The following SPOCK3 variants were observed in gnomAD, a reference collection of about 807,000 sequenced individuals.
The protein encoded by SPOCK3 is testican-3.
SPOCK3 carries 30 observed loss-of-function variants against 56.6 expected under a neutral mutation model. The ratio of observed to expected loss-of-function variants is 0.53; its 90% CI spans 0.40 to 0.72. SPOCK3 has a LOEUF of 0.72. Among genes scored for constraint, SPOCK3 ranks in the 30% least tolerant of loss-of-function variants. The probability of loss-of-function intolerance (pLI) is 0.00; values close to 1 mark genes in which losing one functional copy is unlikely to be tolerated. For synonymous variants in SPOCK3, 196 were observed against 183.3 expected (o/e 1.07, Z -0.56); for missense variants, 527 against 530.0 (o/e 0.99, Z 0.06).
chr4:167,039,586 G>A (rs1753071368), intron 3 of SPOCK3, among the ~76,000 whole-genome samples: 1 of 151,632 alleles, frequency 6.6e-6, no homozygotes, highest in South Asian at 2.1e-4. Flanking sequence ...AATAAAATGA[G>A]TCAAGGATAG....
intron 4 of SPOCK3, among the ~76,000 whole-genome samples, chr4:166,931,401 T>C (rs1168436441): frequency 6.6e-6 from 1 of 152,100 alleles, no homozygotes; most frequent in African/African-American, 2.4e-5. Context: ...TTTAAAACAA[T>C]CCACTGGTGC....
intron 6 of SPOCK3, among the ~76,000 whole-genome samples, chr4:166,795,325 G>T (rs1426902531): frequency 6.6e-6 from 1 of 152,032 alleles, no homozygotes; most frequent in Non-Finnish European, 1.5e-5. Flanking sequence ...CTGTATAGTC[G>T]CATCCCAGAT....
At chr4:166,907,404 CA>C (rs1354984873) in intron 5 of SPOCK3, among the ~76,000 whole-genome samples, 1 of 152,060 alleles carries the variant, frequency 6.6e-6, no homozygotes, top group Non-Finnish European at 1.5e-5. Context: ...AGTCAATGAG[CA>C]ATCAGGGATT....
In SPOCK3 at chr4:166,734,741, C is replaced by A; in HGVS notation, c.*180G>T. 1 of 541,448 alleles carries A rather than the reference C, an allele frequency of 1.8e-6. No homozygotes were observed. The highest frequency in any genetic ancestry group is 3.1e-6 in the Non-Finnish European group (1 of 320,814). 33.5% of individuals were successfully genotyped at this position (541,448 alleles called of 1,614,324 possible). On this transcript the variant is annotated 3_prime_UTR_variant, in exon 11 of 11. Coordinates refer to ENST00000357545, the MANE Select transcript of SPOCK3 (RefSeq NM_001040159.2). The stretch of plus-strand genomic sequence containing the variant: ...GTGTAAGGAATATAAAAACTCAAAG[C>A]AAATGATTCTTATTTAAACATAAAG...
chr4:167,016,076 G>T (rs1750592769), intron 3 of SPOCK3, among the ~76,000 whole-genome samples: 1 of 152,006 alleles, frequency 6.6e-6, no homozygotes, highest in Admixed American at 6.6e-5. Flanking sequence ...ATCCAATTAG[G>T]CCTGACTGAA....
intron 4 of SPOCK3, among the ~76,000 whole-genome samples, chr4:166,919,782 A>G (rs1264523029): frequency 3.3e-5 from 5 of 152,224 alleles, no homozygotes; most frequent in Non-Finnish European, 5.9e-5. Context: ...TTAAGAATTT[A>G]TAATCTCATG....
At chr4:166,901,894 GAT>G (rs1736091155) in intron 5 of SPOCK3, among the ~76,000 whole-genome samples, 1 of 152,032 alleles carries the variant, frequency 6.6e-6, no homozygotes, top group Non-Finnish European at 1.5e-5. Flanking sequence ...AGCTACATGA[GAT>G]AAATTGAACA....
chr4:167,188,977 C>G (rs1275157449), intron 2 of SPOCK3, among the ~76,000 whole-genome samples: 1 of 145,984 alleles, frequency 6.9e-6, no homozygotes, highest in East Asian at 2.1e-4. Context: ...GAGAAAACTC[C>G]AGGCTTCACT....
chr4:167,049,451 C>T (rs1226928976), intron 3 of SPOCK3, among the ~76,000 whole-genome samples: 1 of 152,116 alleles, frequency 6.6e-6, no homozygotes, highest in Non-Finnish European at 1.5e-5. Flanking sequence ...ACTAGACTCG[C>T]TGGTGTCTCA....
intron 2 of SPOCK3, among the ~76,000 whole-genome samples, chr4:167,169,198 A>G (rs1730274513): frequency 6.6e-6 from 1 of 152,224 alleles, no homozygotes; most frequent in South Asian, 2.1e-4. Context: ...GGCACTGCCT[A>G]GTGCAGATGT....
At chr4:166,800,188 A>AAAAAAAAAAAAAAAAAAAAAAAAAC in intron 6 of SPOCK3, among the ~76,000 whole-genome samples, 1 of 128,498 alleles carries the variant, frequency 7.8e-6, no homozygotes, top group African/African-American at 2.6e-5. Flanking sequence ...TCTCAGAAAA[A>AAAAAAAAAAAAAAAAAAAAAAAAAC]AAAAAAAAAA....
chr4:166,811,125 T>C lies in SPOCK3; in HGVS notation c.590-18836A>G, dbSNP rs141761500. 2.7e-3 allele frequency among the ~76,000 whole-genome samples: 411 copies of C among 152,012 alleles called. 3 individuals carry two copies. Among genetic ancestry groups the C allele is most frequent in the African/African-American group, 9.2e-3 (382 of 41,552 alleles). ...CGATTATTCATTTGTGCATTTCTTCTATTTCGCATTCCCATTATCAATTGT... is the reference window on the plus strand; with the variant it reads ...CGATTATTCATTTGTGCATTTCTTCCATTTCGCATTCCCATTATCAATTGT... On this transcript the variant is annotated intron_variant, in intron 6 of 10. Transcript: ENST00000357545.
intron 2 of SPOCK3, among the ~76,000 whole-genome samples, chr4:167,157,006 C>T (rs1027999163): frequency 2.0e-5 from 3 of 152,040 alleles, no homozygotes; most frequent in Admixed American, 6.6e-5. Context: ...GGATCTCTTG[C>T]ATTAAGTTTT....
chr4:166,837,729 TC>T (rs2126815816), intron 6 of SPOCK3, among the ~76,000 whole-genome samples: 1 of 152,268 alleles, frequency 6.6e-6, no homozygotes, highest in South Asian at 2.1e-4. Context: ...AAAAGGAAAG[TC>T]AATTTTATTG....
intron 2 of SPOCK3, among the ~76,000 whole-genome samples, chr4:167,144,602 A>G (rs1215620988): frequency 6.6e-6 from 1 of 151,952 alleles, no homozygotes; most frequent in Non-Finnish European, 1.5e-5. Flanking sequence ...ATAGGTAATA[A>G]ATGATATGGA....
intron 6 of SPOCK3, among the ~76,000 whole-genome samples, chr4:166,851,256 T>A (rs1183457816): frequency 6.6e-6 from 1 of 151,946 alleles, no homozygotes. Context: ...CAGCTGAGGG[T>A]CCTGTCTGTT....
chr4:166,909,357 T>C (rs1287482404), intron 5 of SPOCK3, among the ~76,000 whole-genome samples: 1 of 152,094 alleles, frequency 6.6e-6, no homozygotes, highest in Admixed American at 6.6e-5. Context: ...CCTTCTGATA[T>C]TCCTCTTTCC....
intron 2 of SPOCK3, among the ~76,000 whole-genome samples, chr4:167,103,864 C>A (rs1759864636): frequency 6.6e-6 from 1 of 152,180 alleles, no homozygotes. Flanking sequence ...TGTGCCTCCT[C>A]ATGCCCAACT....
At chr4:167,113,957 C>G (rs1761123159) in intron 2 of SPOCK3, among the ~76,000 whole-genome samples, 1 of 152,010 alleles carries the variant, frequency 6.6e-6, no homozygotes, top group African/African-American at 2.4e-5. Flanking sequence ...ATCTGAGGCA[C>G]AGAGCAGAGA....
Sources: gnomAD v4.1 joint callset for allele counts (sites outside exome capture counted in the v4.1 genomes callset) on GRCh38, gnomAD v4.1.1 for gene constraint, MANE v1.5 for transcripts, NCBI Gene and HGNC (gene_info 2026-07-23, HGNC 2026-07-21) for gene names.